OTOGL: variants seen among roughly 807,000 people sequenced by gnomAD.
The protein encoded by OTOGL is otogelin-like protein.
Under a neutral mutation model 318.5 loss-of-function variants are expected in OTOGL, and 285 were observed. The ratio of observed to expected loss-of-function variants is 0.89; its 90% confidence interval spans 0.81 to 0.99. The LOEUF (loss-of-function observed/expected upper bound fraction) is 0.99. Ranked by LOEUF, OTOGL falls within the 50% of genes least tolerant of loss-of-function variation. The pLI, the probability that OTOGL is intolerant of heterozygous loss-of-function variation, is 0.00. For missense variants in OTOGL, 2,899 were observed against 2,845.6 expected (o/e 1.02, Z -0.43); for synonymous variants, 987 against 936.5 (o/e 1.05, Z -0.99).
At chr12:80,240,565 G>C (rs769687011) in intron 11 of OTOGL, among the ~76,000 whole-genome samples, 1 of 152,040 alleles carries the variant, frequency 6.6e-6, no homozygotes, top group African/African-American at 2.4e-5. Flanking sequence ...TGCTTTGTGA[G>C]TCTGTAACAA....
chr12:80,358,653 T>C lies in OTOGL; in HGVS notation c.6122-18T>C. On this transcript the variant is annotated intron_variant, in intron 50 of 58. Transcript: ENST00000547103. ...ACTCTATAAAATTCATCTTTACCCA[T>C]GTAATTTTTCTTTTTAGTATGTGAA... 1 of 1,551,766 alleles carries C rather than the reference T, an allele frequency of 6.4e-7. No individual in the cohort carries two copies. The highest frequency in any genetic ancestry group is 8.9e-7 in the Non-Finnish European group (1 of 1,127,284).
chr12:80,266,045 G>A (rs921035531), intron 20 of OTOGL: 2 of 156,000 alleles, frequency 1.3e-5, no homozygotes, highest in South Asian at 3.9e-4. Context: ...GGGTTGACAA[G>A]TTACAACCAC....
intron 1 of OTOGL, among the ~76,000 whole-genome samples, chr12:80,124,968 A>G (rs1476663737): frequency 2.6e-5 from 4 of 152,236 alleles, no homozygotes; most frequent in Non-Finnish European, 5.9e-5. Context: ...TAGATACACA[A>G]TCATGTCATC....
At chr12:80,316,932 A>G (rs1887007973) in intron 32 of OTOGL, among the ~76,000 whole-genome samples, 1 of 152,176 alleles carries the variant, frequency 6.6e-6, no homozygotes, top group African/African-American at 2.4e-5. Context: ...TGTTATTAAG[A>G]TACTTATAAT....
chr12:80,355,224 C>CTTTTTTTTTTTTTTTTTTTTTTTTTTTTT lies in OTOGL; in HGVS notation c.5594-508_5594-507insTTTTTTTTTTTTTTTTTTTTTTTTTTTTT, dbSNP rs11343611. Among the ~76,000 whole-genome samples the CTTTTTTTTTTTTTTTTTTTTTTTTTTTTT allele has an allele frequency of 3.0e-5, 2 of 65,602 alleles. 1 individual carries two copies. The highest frequency in any genetic ancestry group is 5.9e-5 in the Non-Finnish European group (2 of 33,740). The allele number at this position is 65,602 out of a possible 152,430, so 43.0% of individuals were successfully genotyped here. A position where few individuals can be genotyped will look rare whatever the true frequency, so the allele number is the denominator to read the frequency against. On this transcript the variant is annotated intron_variant, in intron 46 of 58. Transcript: ENST00000547103. ...ACTTTTTTCTTTTCTTTCTTTCTTTCTTTTCTTTTTTTTTTTTTTTTTTTG... is the reference window on the plus strand; with the variant it reads ...ACTTTTTTCTTTTCTTTCTTTCTTTCTTTTTTTTTTTTTTTTTTTTTTTTTTTTTTTTTCTTTTTTTTTTTTTTTTTTTG...
At chr12:80,164,418 T>C (rs565896384) in intron 1 of OTOGL, among the ~76,000 whole-genome samples, 1 of 152,334 alleles carries the variant, frequency 6.6e-6, no homozygotes, top group African/African-American at 2.4e-5. Flanking sequence ...TCAGTCTCTT[T>C]CCTTGTTATA....
At position 80,254,587 on chromosome 12, in the gene OTOGL, T is replaced by C. The variant is rs1881862301; in HGVS notation, c.1441+17T>C. On this transcript the variant is annotated intron_variant, in intron 15 of 58. Coordinates refer to ENST00000547103, the MANE Select transcript of OTOGL (RefSeq NM_001378609.3). ...ACTGTCCAGGTAATTTTTTAAAATG[T>C]TTTTATAGAGAATGTTTCAAATTTC... 1 of 1,592,790 alleles carries C rather than the reference T, an allele frequency of 6.3e-7. No homozygotes were observed. Among genetic ancestry groups the C allele is most frequent in the Admixed American group, 1.7e-5 (1 of 59,666 alleles).
intron 49 of OTOGL, 63 bp from the exon 50 acceptor site, chr12:80,358,185 A>T: frequency 5.9e-6 from 6 of 1,020,784 alleles, no homozygotes; most frequent in South Asian, 1.4e-5. Context: ...GGTAATTTAA[A>T]CTCATATTAT....
chr12:80,191,776 G>A (rs1190499815), intron 1 of OTOGL, among the ~76,000 whole-genome samples: 1 of 152,202 alleles, frequency 6.6e-6, no homozygotes, highest in African/African-American at 2.4e-5. Context: ...CCTGGGCTCA[G>A]CTTTGCTGCT....
rs564132271 is a variant in OTOGL, at chr12:80,291,639, G to C, written c.2929-5188G>C. Among the ~76,000 whole-genome samples the C allele has an allele frequency of 2.6e-5, 4 of 152,310 alleles. No individual in the cohort carries two copies. In the East Asian group the frequency reaches 7.7e-4, roughly 29 times the overall value. Reference sequence around the variant, plus strand: ...AACAAGGTGTCAGGCCAGTCTGTACGAGAGGCTTTGGTCAGCTCTATAATG... The same window carrying C: ...AACAAGGTGTCAGGCCAGTCTGTACCAGAGGCTTTGGTCAGCTCTATAATG... On this transcript the variant is annotated intron_variant, in intron 26 of 58. Transcript: ENST00000547103.
chr12:80,356,875 G>A lies in OTOGL; in HGVS notation c.5980G>A (p.Val1994Ile), dbSNP rs986181782. ...CAGAGAAGATCAATTCATGATTCAA[G>A]TTCGACAGGAAGAACCTTGTTGTTT... is the stretch of plus-strand genomic sequence containing the variant. ...ECREDQFMIQ[V>I]RQEEPCCFSP... Residue 1994 changes from valine to isoleucine, a missense_variant, in exon 49 of 59, where the codon GTT (valine) becomes ATT (isoleucine). Transcript: ENST00000547103. 1.9e-6 allele frequency: 3 copies of A among 1,600,566 alleles called. No homozygotes were observed. The highest frequency in any genetic ancestry group is 2.6e-6 in the Non-Finnish European group (3 of 1,173,346).
intron 29 of OTOGL, among the ~76,000 whole-genome samples, chr12:80,307,158 A>C (rs1421450384): frequency 6.6e-6 from 1 of 151,220 alleles, no homozygotes; most frequent in Non-Finnish European, 1.5e-5. Context: ...CCAAGGCAGA[A>C]GAATTTTTCT....
intron 1 of OTOGL, among the ~76,000 whole-genome samples, chr12:80,133,269 T>C (rs1871347253): frequency 1.3e-5 from 2 of 152,096 alleles, no homozygotes; most frequent in African/African-American, 4.8e-5. Flanking sequence ...TTTTAGGCAA[T>C]GATTATTGAA....
intron 1 of OTOGL, among the ~76,000 whole-genome samples, chr12:80,184,419 TA>T (rs1216589491): frequency 6.6e-6 from 1 of 152,210 alleles, no homozygotes; most frequent in Non-Finnish European, 1.5e-5. Flanking sequence ...GAGTTGATAG[TA>T]AAAGACGTAT....
At chr12:80,185,640 T>C (rs576131438) in intron 1 of OTOGL, among the ~76,000 whole-genome samples, 16 of 152,290 alleles carry the variant, frequency 1.1e-4, no homozygotes, top group Middle Eastern at 6.8e-3. Flanking sequence ...TAAAAAGGGA[T>C]AATAATGGCA....
chr12:80,141,869 C>T (rs900418083), intron 1 of OTOGL, among the ~76,000 whole-genome samples: 1 of 152,084 alleles, frequency 6.6e-6, no homozygotes, highest in Non-Finnish European at 1.5e-5. Flanking sequence ...TTAAAATTAG[C>T]AGCAGAATTC....
Position 80,211,877 on chromosome 12 carries a change from C to G in OTOGL, c.120-72C>G. ...GGAAATCAGGAGGAAAACACCAGCT[C>G]TCTCTTGGGAAAGGCTTGTTCAGGT... On this transcript the variant is annotated intron_variant, in intron 3 of 58. Transcript: ENST00000547103. The G allele has an allele frequency of 1.9e-5, 23 of 1,226,032 alleles. No individual in the cohort carries two copies. In the South Asian group the frequency reaches 2.9e-4, roughly 15 times the overall value. The allele number at this position is 1,226,032 out of a possible 1,614,324, so 75.9% of individuals were successfully genotyped here. A position where few individuals can be genotyped will look rare whatever the true frequency, so the allele number is the denominator to read the frequency against.
intron 7 of OTOGL, among the ~76,000 whole-genome samples, chr12:80,226,069 A>G (rs1878810813): frequency 6.6e-6 from 1 of 151,838 alleles, no homozygotes; most frequent in African/African-American, 2.4e-5. Context: ...TATCTTACAC[A>G]TCAAAATATG....
intron 38 of OTOGL, among the ~76,000 whole-genome samples, chr12:80,333,834 A>G (rs1256470936): frequency 3.3e-5 from 5 of 152,180 alleles, no homozygotes; most frequent in Non-Finnish European, 7.3e-5. Context: ...TGGGTCAACA[A>G]AGTTCCAGGC....
Sources: gnomAD v4.1 joint callset for allele counts (sites outside exome capture counted in the v4.1 genomes callset) on GRCh38, gnomAD v4.1.1 for gene constraint, MANE v1.5 for transcripts, NCBI Gene and HGNC (gene_info 2026-07-23, HGNC 2026-07-21) for gene names.